The following PRKN variants were observed in gnomAD, a reference collection of about 807,000 sequenced individuals.
The protein encoded by PRKN is E3 ubiquitin-protein ligase parkin.
PRKN carries 56 observed loss-of-function variants against 59.5 expected under a neutral mutation model. The observed-to-expected ratio is 0.94, with a 90% confidence interval of 0.76 to 1.18. The LOEUF (loss-of-function observed/expected upper bound fraction) is 1.18. Ranked by LOEUF, PRKN falls within the 50% of genes most tolerant of loss-of-function variation. PRKN has a pLI of 0.00. For missense variants in PRKN, 657 were observed against 596.4 expected, an observed-to-expected ratio of 1.10 and a Z score of -1.06; for synonymous variants, 250 against 222.1, an observed-to-expected ratio of 1.13 and a Z score of -1.12.
At position 162,568,954 on chromosome 6, in the gene PRKN, A is replaced by C. The variant is rs1583823536; in HGVS notation, c.8-125481T>G. 5 of 665,366 alleles carry C rather than the reference A, an allele frequency of 7.5e-6. No homozygotes were observed. The East Asian group carries it at 1.1e-4, about 14-fold the overall frequency. 41.2% of individuals were successfully genotyped at this position (665,366 alleles called of 1,614,324 possible). On this transcript the variant is annotated intron_variant, in intron 1 of 11. Coordinates refer to ENST00000366898, the MANE Select transcript of PRKN (RefSeq NM_004562.3). ...AAGGTAGAGCTGTAGTCTCAGCTGG[A>C]AGGGCTGGCTGACGAGATCAATTTC...
intron 2 of PRKN, among the ~76,000 whole-genome samples, chr6:162,413,427 A>G (rs1321165523): frequency 6.6e-6 from 1 of 152,230 alleles, no homozygotes; most frequent in Non-Finnish European, 1.5e-5. Context: ...TGTGAAATAT[A>G]GAAAGGAAGA....
At chr6:161,464,248 A>G (rs564993017) in intron 9 of PRKN, among the ~76,000 whole-genome samples, 1 of 152,166 alleles carries the variant, frequency 6.6e-6, no homozygotes, top group Non-Finnish European at 1.5e-5. Context: ...TCCCGACCTC[A>G]GGTAATCTGC....
At chr6:162,514,257 T>A (rs1016464904) in intron 1 of PRKN, among the ~76,000 whole-genome samples, 1 of 149,182 alleles carries the variant, frequency 6.7e-6, no homozygotes, top group African/African-American at 2.4e-5. Context: ...TTACCTTCCA[T>A]CTTGTTGAAA....
At chr6:162,527,431 G>C (rs944648841) in intron 1 of PRKN, among the ~76,000 whole-genome samples, 1 of 151,992 alleles carries the variant, frequency 6.6e-6, no homozygotes, top group Non-Finnish European at 1.5e-5. Context: ...TAGTTACAAA[G>C]GTTGAATAAA....
intron 7 of PRKN, among the ~76,000 whole-genome samples, chr6:161,733,250 C>T (rs1338448611): frequency 6.6e-6 from 1 of 152,042 alleles, no homozygotes; most frequent in Admixed American, 6.6e-5. Flanking sequence ...TATGGAATCT[C>T]CTTATATGGA....
chr6:162,514,263 T>C (rs1562347108), intron 1 of PRKN, among the ~76,000 whole-genome samples: 1 of 144,964 alleles, frequency 6.9e-6, no homozygotes, highest in Non-Finnish European at 1.5e-5. Flanking sequence ...TCCATCTTGT[T>C]GAAATTGACT....
intron 2 of PRKN, among the ~76,000 whole-genome samples, chr6:162,334,333 C>T (rs1452998897): frequency 6.6e-6 from 1 of 152,220 alleles, no homozygotes; most frequent in Non-Finnish European, 1.5e-5. Context: ...GGCTTCAAAA[C>T]TTCCAAGGAC....
chr6:162,715,282 C>A (rs1778680635), intron 1 of PRKN, among the ~76,000 whole-genome samples: 1 of 152,184 alleles, frequency 6.6e-6, no homozygotes, highest in Non-Finnish European at 1.5e-5. Flanking sequence ...GTCTTCTCTC[C>A]TTTGAATCAC....
At chr6:162,615,266 T>C (rs953523741) in intron 1 of PRKN, among the ~76,000 whole-genome samples, 3 of 152,104 alleles carry the variant, frequency 2.0e-5, no homozygotes, top group South Asian at 2.1e-4. Context: ...TTTTGGCTTA[T>C]TTTTTTTGAT....
intron 1 of PRKN, among the ~76,000 whole-genome samples, chr6:162,553,105 T>C (rs1312665864): frequency 1.3e-5 from 2 of 151,982 alleles, no homozygotes; most frequent in East Asian, 3.9e-4. Flanking sequence ...TCCAGGTAAG[T>C]TCTTTAAGAG....
At chr6:162,476,033 C>G (rs1791995074) in intron 1 of PRKN, among the ~76,000 whole-genome samples, 1 of 151,322 alleles carries the variant, frequency 6.6e-6, no homozygotes, top group South Asian at 2.1e-4. Flanking sequence ...AGGCGTGAGC[C>G]ACCGCACCTG....
intron 2 of PRKN, chr6:162,271,511 C>A (rs1194762397): frequency 1.3e-5 from 2 of 151,244 alleles, no homozygotes; most frequent in Non-Finnish European, 2.9e-5. Context: ...CCAGTCCACT[C>A]CAGCCTGGGT....
intron 2 of PRKN, among the ~76,000 whole-genome samples, chr6:162,291,651 G>A (rs1189574860): frequency 4.6e-5 from 7 of 152,264 alleles, no homozygotes; most frequent in Admixed American, 1.3e-4. Context: ...GAGCTAAGCT[G>A]ACAGGAGAAT....
intron 2 of PRKN, among the ~76,000 whole-genome samples, chr6:162,345,211 C>T (rs890425970): frequency 2.6e-5 from 4 of 152,182 alleles, no homozygotes; most frequent in African/African-American, 9.7e-5. Flanking sequence ...ACTGAGAAAA[C>T]ATAGATAAAT....
intron 4 of PRKN, among the ~76,000 whole-genome samples, chr6:162,114,185 C>T (rs894900529): frequency 3.3e-5 from 5 of 152,122 alleles, no homozygotes; most frequent in Admixed American, 1.3e-4. Flanking sequence ...TCAGGATTGA[C>T]TTGGCGATGC....
intron 1 of PRKN, among the ~76,000 whole-genome samples, chr6:162,714,391 C>G (rs552326341): frequency 1.5e-3 from 230 of 152,184 alleles, no homozygotes; most frequent in Non-Finnish European, 2.5e-3. Context: ...GAGGGAGGGG[C>G]CCTGAGAGCA....
intron 7 of PRKN, among the ~76,000 whole-genome samples, chr6:161,583,174 T>C (rs1360370354): frequency 6.6e-6 from 1 of 152,224 alleles, no homozygotes; most frequent in African/African-American, 2.4e-5. Flanking sequence ...TTTCTGGTGA[T>C]ATGATGTCAC....
chr6:162,584,226 AAAAAAC>A (rs1780911787), intron 1 of PRKN, among the ~76,000 whole-genome samples: 1 of 74,426 alleles, frequency 1.3e-5, no homozygotes, highest in East Asian at 7.5e-4. Context: ...AAAAAAAAAC[AAAAAAC>A]AAAAAACAAA....
At chr6:161,350,715 ATTTT>A (rs1259772124) in intron 11 of PRKN, among the ~76,000 whole-genome samples, 4 of 144 alleles carry the variant, frequency 0.028, no homozygotes, top group Non-Finnish European at 0.083. Flanking sequence ...AAATATATAT[ATTTT>A]TATATATTTA....
Sources: gnomAD v4.1 joint callset for allele counts (sites outside exome capture counted in the v4.1 genomes callset) on GRCh38, gnomAD v4.1.1 for gene constraint, MANE v1.5 for transcripts, NCBI Gene and HGNC (gene_info 2026-07-23, HGNC 2026-07-21) for gene names.